HIPK2: variants seen among roughly 807,000 people sequenced by gnomAD.
HIPK2 encodes the protein homeodomain-interacting protein kinase 2.
In HIPK2, 27 loss-of-function variants were observed where a neutral mutation model predicts 113.7. That is an observed-to-expected ratio of 0.24 (90% CI 0.17 to 0.33). HIPK2 has a LOEUF of 0.33. HIPK2 is among the 10% of genes least tolerant of loss of function. The pLI, the probability that HIPK2 is intolerant of heterozygous loss-of-function variation, is 1.00. For missense variants in HIPK2, 1,257 were observed against 1,588.0 expected, an observed-to-expected ratio of 0.79 and a Z score of 3.54; for synonymous variants, 631 against 642.2, an observed-to-expected ratio of 0.98 and a Z score of 0.26.
At chr7:139,760,005 GTT>G (rs200764109) in intron 1 of HIPK2, among the ~76,000 whole-genome samples, 1 of 143,566 alleles carries the variant, frequency 7.0e-6, no homozygotes, top group Non-Finnish European at 1.5e-5. Context: ...CTACCTAGTT[GTT>G]TTTTTTTTTT....
At chr7:139,573,735 C>T (rs1055055711) in intron 14 of HIPK2, among the ~76,000 whole-genome samples, 23 of 151,764 alleles carry the variant, frequency 1.5e-4, no homozygotes, top group Admixed American at 4.6e-4. Context: ...GTAGTCCCAG[C>T]TATTCGGTGG....
Position 139,564,024 on chromosome 7 carries a change from G to C in HIPK2, c.*8903C>G, listed in dbSNP as rs1159813504. 3 of 398,282 alleles carry C rather than the reference G, an allele frequency of 7.5e-6. No homozygotes were observed. The highest frequency in any genetic ancestry group is 1.3e-5 in the Non-Finnish European group (3 of 226,070). The allele number at this position is 398,282 out of a possible 1,614,324, so 24.7% of individuals were successfully genotyped here. A position where few individuals can be genotyped will look rare whatever the true frequency, so the allele number is the denominator to read the frequency against. On this transcript the variant is annotated 3_prime_UTR_variant, in exon 15 of 15. Transcript: ENST00000406875. ...TTGTTCCAAATATGATGTCTGTTTA[G>C]AGTGGGTCTCAATGGACCAGGCTGA...
chr7:139,587,488 C>CAAA (rs1213368741), intron 12 of HIPK2, among the ~76,000 whole-genome samples: 13 of 43,978 alleles, frequency 3.0e-4, no homozygotes, highest in East Asian at 1.0e-3. Flanking sequence ...GACTGTGTCT[C>CAAA]AAAAAAAAAA....
At chr7:139,679,884 A>C (rs1196639110) in intron 2 of HIPK2, among the ~76,000 whole-genome samples, 1 of 151,976 alleles carries the variant, frequency 6.6e-6, no homozygotes, top group Non-Finnish European at 1.5e-5. Flanking sequence ...TCAGAAGTAG[A>C]ACATTTAGCT....
intron 2 of HIPK2, among the ~76,000 whole-genome samples, chr7:139,698,412 T>C (rs911707417): frequency 3.9e-5 from 6 of 152,234 alleles, no homozygotes; most frequent in Admixed American, 2.6e-4. Context: ...AGTGTTGCTA[T>C]GAACATGCAT....
chr7:139,564,716 A>G lies in HIPK2; in HGVS notation c.*8211T>C, dbSNP rs756085643. The stretch of plus-strand genomic sequence containing the variant: ...GCATTCACTGGGGTTTGCGGATGTC[A>G]GTTATAAACAGAACTTTTCTTTAAA... On this transcript the variant is annotated 3_prime_UTR_variant, in exon 15 of 15. Transcript: ENST00000406875. 2.6e-5 allele frequency: 4 copies of G among 152,252 alleles called. No individual in the cohort carries two copies. Among genetic ancestry groups the G allele is most frequent in the Non-Finnish European group, 5.9e-5 (4 of 68,052 alleles). The allele number at this position is 152,252 out of a possible 1,614,324, so 9.4% of individuals were successfully genotyped here.
intron 9 of HIPK2, among the ~76,000 whole-genome samples, chr7:139,610,051 A>G (rs920609463): frequency 6.6e-6 from 1 of 152,212 alleles, no homozygotes; most frequent in African/African-American, 2.4e-5. Flanking sequence ...CTTTAGGTTA[A>G]ATCTACTTGG....
intron 2 of HIPK2, among the ~76,000 whole-genome samples, chr7:139,708,975 A>G (rs1794988128): frequency 6.6e-6 from 1 of 152,206 alleles, no homozygotes; most frequent in South Asian, 2.1e-4. Context: ...TACACAGAGC[A>G]TTCCAGTTCA....
intron 2 of HIPK2, among the ~76,000 whole-genome samples, chr7:139,697,022 G>A (rs1023857024): frequency 6.6e-6 from 1 of 152,132 alleles, no homozygotes; most frequent in Non-Finnish European, 1.5e-5. Context: ...TTTTATTTAG[G>A]CTTACCATCT....
intron 6 of HIPK2, among the ~76,000 whole-genome samples, chr7:139,622,862 A>G (rs1336115437): frequency 6.6e-6 from 1 of 152,098 alleles, no homozygotes; most frequent in Non-Finnish European, 1.5e-5. Context: ...TCCCAGATGA[A>G]GTTCTGAATT....
At chr7:139,587,334 A>G (rs1371374205) in intron 12 of HIPK2, among the ~76,000 whole-genome samples, 1 of 151,582 alleles carries the variant, frequency 6.6e-6, no homozygotes, top group Admixed American at 6.6e-5. Context: ...TACTAAAAAT[A>G]CCAAAAATTA....
At position 139,575,438 on chromosome 7, in the gene HIPK2, T is replaced by C. The variant is rs1357247604; in HGVS notation, c.2966-150A>G. 4.5e-6 allele frequency: 4 copies of C among 895,262 alleles called. No homozygotes were observed. In the African/African-American group the frequency reaches 6.8e-5, roughly 15 times the overall value. The allele number at this position is 895,262 out of a possible 1,614,324, so 55.5% of individuals were successfully genotyped here. On this transcript the variant is annotated intron_variant, in intron 13 of 14. Transcript: ENST00000406875. Reference sequence around the variant, plus strand: ...TCAGCCTCATCTCCCCCGGACCCACTAGGACTTTGCCTTGACTCTGGATGC... The same window carrying C: ...TCAGCCTCATCTCCCCCGGACCCACCAGGACTTTGCCTTGACTCTGGATGC...
At chr7:139,607,252 C>T (rs1199638253) in intron 9 of HIPK2, among the ~76,000 whole-genome samples, 3 of 151,480 alleles carry the variant, frequency 2.0e-5, no homozygotes, top group Non-Finnish European at 4.4e-5. Flanking sequence ...TTTAGAAGTA[C>T]CAACACTCAA....
chr7:139,605,376 C>T (rs1799586370), intron 9 of HIPK2, among the ~76,000 whole-genome samples: 1 of 152,058 alleles, frequency 6.6e-6, no homozygotes, highest in African/African-American at 2.4e-5. Flanking sequence ...AGCATAGTCA[C>T]TAAGGTAAAA....
intron 1 of HIPK2, among the ~76,000 whole-genome samples, chr7:139,724,004 CTT>C (rs769658116): frequency 1.7e-4 from 23 of 137,370 alleles, no homozygotes; most frequent in African/African-American, 4.0e-4. Context: ...TGCTACAGAT[CTT>C]TTTTTTTTTT....
chr7:139,590,808 A>G (rs2116609196), intron 12 of HIPK2, among the ~76,000 whole-genome samples: 1 of 152,236 alleles, frequency 6.6e-6, no homozygotes, highest in East Asian at 1.9e-4. Context: ...GAAAAAAAAA[A>G]TCTTCATTTT....
rs143696989 is a variant in HIPK2 at position 139,705,613 on chromosome 7, G to A, written c.1103+10319C>T. On this transcript the variant is annotated intron_variant, in intron 2 of 14. Coordinates refer to ENST00000406875, the MANE Select transcript of HIPK2 (RefSeq NM_022740.5). ...AGGATGGTCTGGATCTCCTGACCTC[G>A]TGATCCGCCCGCCTCGGCCTCCCAA... 7.3e-4 allele frequency among the ~76,000 whole-genome samples: 111 copies of A among 152,082 alleles called. 2 individuals are homozygous for A. The East Asian group carries it at 0.02, about 28-fold the overall frequency.
intron 7 of HIPK2, among the ~76,000 whole-genome samples, chr7:139,615,622 A>G (rs1027970295): frequency 1.5e-4 from 23 of 152,242 alleles, no homozygotes; most frequent in Admixed American, 9.2e-4. Context: ...AGCACTGTCT[A>G]CAAGAGGTTT....
At chr7:139,691,285 G>A (rs559156714) in intron 2 of HIPK2, among the ~76,000 whole-genome samples, 8 of 152,240 alleles carry the variant, frequency 5.3e-5, no homozygotes, top group South Asian at 2.1e-4. Context: ...TGATAAAACC[G>A]AACATCAAAT....
Sources: gnomAD v4.1 joint callset for allele counts (sites outside exome capture counted in the v4.1 genomes callset) on GRCh38, gnomAD v4.1.1 for gene constraint, MANE v1.5 for transcripts, NCBI Gene and HGNC (gene_info 2026-07-23, HGNC 2026-07-21) for gene names.